Variants in TAF3 observed in about 807,000 individuals in gnomAD.
TAF3 encodes the protein TATA-box binding protein associated factor 3.
A neutral mutation model predicts 80.6 loss-of-function variants in TAF3; 7 were observed. That is an observed-to-expected ratio of 0.09 (90% CI 0.05 to 0.16). The LOEUF (loss-of-function observed/expected upper bound fraction) is 0.16, where lower values mean the gene tolerates loss of function less well. TAF3 is among the 10% of genes least tolerant of loss of function. The pLI is 1.00. For synonymous variants in TAF3, 444 were observed against 446.1 expected (o/e 1.00, Z 0.06); for missense variants, 921 against 1,140.2 (o/e 0.81, Z 2.77).
chr10:7,870,740 T>C (rs1439653160), intron 2 of TAF3, among the ~76,000 whole-genome samples: 1 of 152,188 alleles, frequency 6.6e-6, no homozygotes, highest in Admixed American at 6.5e-5. Flanking sequence ...GTCTTAACAC[T>C]CATGCCTGCC....
At chr10:7,945,583 G>A (rs1049536062) in intron 2 of TAF3, among the ~76,000 whole-genome samples, 1 of 152,050 alleles carries the variant, frequency 6.6e-6, no homozygotes, top group African/African-American at 2.4e-5. Flanking sequence ...CCCTCGCACT[G>A]CAGCCCCCTA....
At chr10:7,962,618 T>C (rs1483450486) in intron 2 of TAF3, among the ~76,000 whole-genome samples, 4 of 152,198 alleles carry the variant, frequency 2.6e-5, no homozygotes, top group African/African-American at 9.6e-5. Flanking sequence ...CACCTTCATC[T>C]ATTTGTCATC....
In TAF3 at chr10:8,009,625, T is replaced by TC. The variant is rs1323505432; in HGVS notation, c.2568+296dup. On this transcript the variant is annotated intron_variant, in intron 5 of 6. Coordinates refer to ENST00000344293, the MANE Select transcript of TAF3 (RefSeq NM_031923.4). This position sits in a 1 kb window ranked among gnomAD's most constrained non-coding sequence, Gnocchi z 4.1. ...CTGGCCAGACACGTTTCTTTTTTTT[T>TC]CTTTTTTTTTTTTGAGACAGAGTTT... Among the ~76,000 whole-genome samples the TC allele has an allele frequency of 9.3e-5, 14 of 150,928 alleles. No individual in the cohort carries two copies. The highest frequency in any genetic ancestry group is 1.5e-4 in the Non-Finnish European group (10 of 67,840).
intron 2 of TAF3, among the ~76,000 whole-genome samples, chr10:7,872,508 G>A (rs1380037846): frequency 6.6e-6 from 1 of 152,100 alleles, no homozygotes; most frequent in Non-Finnish European, 1.5e-5. Flanking sequence ...ATTACAGTAT[G>A]TTTCATTTAG....
chr10:7,983,655 A>C (rs912114977), intron 4 of TAF3, among the ~76,000 whole-genome samples: 1 of 152,156 alleles, frequency 6.6e-6, no homozygotes, highest in Non-Finnish European at 1.5e-5. Context: ...GAAACATTTC[A>C]TAGGTATTTT....
intron 2 of TAF3, among the ~76,000 whole-genome samples, chr10:7,871,457 T>TTTTTTTTTTTTTTA (rs1837265459): frequency 1.2e-5 from 1 of 84,198 alleles, no homozygotes. Context: ...TTTTTTTTTT[T>TTTTTTTTTTTTTTA]TTTGAGACGG....
intron 2 of TAF3, among the ~76,000 whole-genome samples, chr10:7,933,366 G>A (rs1485732566): frequency 6.6e-6 from 1 of 152,202 alleles, no homozygotes; most frequent in African/African-American, 2.4e-5. Context: ...GTAGCTTCAT[G>A]CATGGCACCC....
intron 2 of TAF3, among the ~76,000 whole-genome samples, chr10:7,938,701 G>T (rs1435203731): frequency 6.6e-6 from 1 of 152,142 alleles, no homozygotes; most frequent in East Asian, 1.9e-4. Context: ...AAGAGAGGAG[G>T]AATCTTGAAG....
At chr10:7,820,604 C>T (rs1016903256) in intron 1 of TAF3, among the ~76,000 whole-genome samples, 1 of 152,232 alleles carries the variant, frequency 6.6e-6, no homozygotes, top group African/African-American at 2.4e-5. Flanking sequence ...AAGTGATCCT[C>T]CCGCCTCAGC....
intron 2 of TAF3, among the ~76,000 whole-genome samples, chr10:7,844,900 T>C (rs1489024760): frequency 6.6e-6 from 1 of 152,240 alleles, no homozygotes; most frequent in Non-Finnish European, 1.5e-5. Flanking sequence ...AATCGCTTAT[T>C]GTTGGGCATT....
intron 2 of TAF3, among the ~76,000 whole-genome samples, chr10:7,943,904 A>G (rs187764831): frequency 3.9e-5 from 6 of 152,208 alleles, no homozygotes; most frequent in Non-Finnish European, 8.8e-5. Flanking sequence ...CAATTTCTAA[A>G]AAATCATTAC....
intron 2 of TAF3, among the ~76,000 whole-genome samples, chr10:7,870,467 GC>G (rs1184937412): frequency 6.6e-6 from 1 of 152,050 alleles, no homozygotes; most frequent in African/African-American, 2.4e-5. Flanking sequence ...CGTGAGTGTT[GC>G]CTGATGGAAG....
At position 7,828,286 on chromosome 10, in the gene TAF3, C is replaced by T. The variant is rs187020319; in HGVS notation, c.409+3726C>T. ...TCAATGTAAAGTAGTGTTACCATCA[C>T]GTGCTGAGGATCTGAGGGAACAGAC... On this transcript the variant is annotated intron_variant, in intron 2 of 6. Coordinates refer to ENST00000344293, the MANE Select transcript of TAF3 (RefSeq NM_031923.4). Among the ~76,000 whole-genome samples, 17 of 152,230 alleles carry T rather than the reference C, an allele frequency of 1.1e-4. No individual in the cohort carries two copies. In the East Asian group the frequency reaches 2.7e-3, roughly 24 times the overall value.
chr10:7,822,684 A>G (rs912066419), intron 1 of TAF3, among the ~76,000 whole-genome samples: 13 of 152,168 alleles, frequency 8.5e-5, no homozygotes. Flanking sequence ...TTCATTTTAC[A>G]GTGTGATTTA....
rs1228092514 is a variant in TAF3, at chr10:7,964,262, C to T, written c.752C>T (p.Pro251Leu). ...PPSPEPPMLA[P>L]VAKSQMPTAK... Reference sequence around the variant, plus strand: ...TCACCCGAGCCGCCAATGTTGGCTCCAGTTGCAAAATCACAAATGCCAACT... The same window carrying T: ...TCACCCGAGCCGCCAATGTTGGCTCTAGTTGCAAAATCACAAATGCCAACT... Residue 251 changes from proline (P) to leucine (L), a missense_variant, in exon 3 of 7, where the codon CCA becomes CTA. Transcript: ENST00000344293. The surrounding 1 kb of genome is among the most constrained non-coding windows in gnomAD (Gnocchi z 4.1). 1 of 1,614,204 alleles carries T rather than the reference C, an allele frequency of 6.2e-7. No homozygotes were observed. Among genetic ancestry groups the T allele is most frequent in the East Asian group, 2.2e-5 (1 of 44,884 alleles).
intron 2 of TAF3, among the ~76,000 whole-genome samples, chr10:7,955,345 A>G (rs987767589): frequency 6.6e-6 from 1 of 152,186 alleles, no homozygotes; most frequent in African/African-American, 2.4e-5. Flanking sequence ...ATCTGCATAC[A>G]TTTTTCATTT....
At chr10:7,929,361 A>G (rs748873644) in intron 2 of TAF3, among the ~76,000 whole-genome samples, 7 of 152,016 alleles carry the variant, frequency 4.6e-5, no homozygotes, top group Admixed American at 1.3e-4. Flanking sequence ...AGATACATAC[A>G]AGGAAGTAGT....
chr10:7,890,321 T>C (rs183373349), intron 2 of TAF3, among the ~76,000 whole-genome samples: 2 of 152,328 alleles, frequency 1.3e-5, no homozygotes, highest in East Asian at 3.9e-4. Flanking sequence ...CCAAGCCTAA[T>C]TGGATGCTCT....
intron 4 of TAF3, among the ~76,000 whole-genome samples, chr10:8,005,128 C>A (rs191451431): frequency 6.6e-6 from 1 of 152,160 alleles, no homozygotes; most frequent in Non-Finnish European, 1.5e-5. Context: ...TGACTTCCTA[C>A]GACCTATATT....
Sources: allele counts gnomAD v4.1 joint callset (sites outside exome capture counted in the v4.1 genomes callset), GRCh38; gene constraint gnomAD v4.1.1; non-coding constraint Gnocchi (gnomAD v3.1); transcripts MANE v1.5; gene names NCBI Gene and HGNC (gene_info 2026-07-23, HGNC 2026-07-21).